Variants in ARVCF observed in about 807,000 individuals in gnomAD.
The protein encoded by ARVCF is splicing regulator ARVCF.
Under a neutral mutation model 90.9 loss-of-function variants are expected in ARVCF, and 66 were observed. That is an observed-to-expected ratio of 0.73 (90% CI 0.60 to 0.89). ARVCF has a LOEUF of 0.89. Ranked by LOEUF, ARVCF falls within the 40% of genes least tolerant of loss-of-function variation. The probability of loss-of-function intolerance (pLI) is 0.00; values close to 1 mark genes in which losing one functional copy is unlikely to be tolerated. For synonymous variants in ARVCF, 653 were observed against 603.4 expected (o/e 1.08, Z -1.21); for missense variants, 1,469 against 1,382.3 (o/e 1.06, Z -1.00).
chr22:19,972,974 T>A lies in ARVCF; in HGVS notation c.2501A>T (p.Glu834Val). ...ATCTTTCTGCAAGGTACCACGCAGC[T>A]CCTTGTAGCTCCACACTGTCTGCAG... ...HVLQTVWSYKELRGTLQKDGW... is the reference protein window; with the variant it reads ...HVLQTVWSYKVLRGTLQKDGW... The change falls in exon 15 of 20, where the codon GAG becomes GTG. Residue 834 changes from glutamate to valine, a missense_variant. Physicochemically the swap from Glu to Val is moderately radical, Grantham distance 121. Transcript: ENST00000263207. 8 of 1,613,692 alleles carry A rather than the reference T, an allele frequency of 5.0e-6. No individual in the cohort carries two copies. The highest frequency in any genetic ancestry group is 1.1e-5 in the South Asian group (1 of 91,084).
downstream of ARVCF, chr22:19,967,685 A>G (rs1942494202): frequency 3.7e-6 from 1 of 272,240 alleles, no homozygotes; most frequent in East Asian, 1.1e-4. Flanking sequence ...ATTATACTTT[A>G]GATGTTTGAG....
Position 19,990,888 on chromosome 22 carries a change from A to G in ARVCF, c.-18-76T>C, listed in dbSNP as rs950034625. 5.7e-6 allele frequency: 8 copies of G among 1,409,318 alleles called. No homozygotes were observed. In the African/African-American group the frequency reaches 1.1e-4, roughly 20 times the overall value. 87.3% of individuals were successfully genotyped at this position (1,409,318 alleles called of 1,614,324 possible). A position where few individuals can be genotyped will look rare whatever the true frequency, so the allele number is the denominator to read the frequency against. ...GCCATCATGGGCCCCTGCCCGCCCCACTCACAGACCATACAACTCACTCCC... is the reference window on the plus strand; with the variant it reads ...GCCATCATGGGCCCCTGCCCGCCCCGCTCACAGACCATACAACTCACTCCC... On this transcript the variant is annotated intron_variant, in intron 2 of 19. Transcript: ENST00000263207.
intron 2 of ARVCF, among the ~76,000 whole-genome samples, chr22:19,994,811 A>G (rs556864872): frequency 4.7e-5 from 7 of 148,506 alleles, no homozygotes; most frequent in African/African-American, 1.7e-4. Context: ...ATATAGATGA[A>G]TGGATGGATG....
In ARVCF at chr22:19,981,298, G is replaced by A. The variant is rs909282598; in HGVS notation, c.809C>T (p.Ala270Val). Residue 270 changes from alanine to valine, a missense_variant, in exon 5 of 20, where the codon GCT becomes GTT. Coordinates refer to ENST00000263207, the MANE Select transcript of ARVCF (RefSeq NM_001670.3). ...CAGCTCAGGGCCACCCTCGTCATCA[G>A]CGGCCAGGCTGCGCGTGTCATCCTC... ...GLEDDTRSLA[A>V]DDEGGPELEP... 30 of 1,591,854 alleles carry A rather than the reference G, an allele frequency of 1.9e-5. No individual in the cohort carries two copies. The highest frequency in any genetic ancestry group is 2.6e-5 in the Non-Finnish European group (30 of 1,170,826).
intron 1 of ARVCF, among the ~76,000 whole-genome samples, chr22:20,015,677 G>C (rs1945050484): frequency 6.6e-6 from 1 of 152,084 alleles, no homozygotes; most frequent in African/African-American, 2.4e-5. Context: ...ATACCATAGG[G>C]GAGGTTTCCC....
At chr22:19,966,222 G>A (rs1000373379), downstream of ARVCF, among the ~76,000 whole-genome samples, 1 of 152,120 alleles carries the variant, frequency 6.6e-6, no homozygotes, top group African/African-American at 2.4e-5. Context: ...GGGGCCCTGT[G>A]CCCCCTTGTG....
rs148191845 is a variant in ARVCF at position 19,977,494 on chromosome 22, G to T, written c.1791C>A (p.Pro597=). Residue 597 remains proline (P), a synonymous_variant, in exon 9 of 20, where the codon CCC becomes CCA. Transcript: ENST00000263207. ...PGADRYQEAE[P]GPLGSAVGSQ... ...AGCCTACAGCACTGCCCAGGGGCCC[G>T]GGCTCGGCCTCCTGGTACCTGTCGG... is the stretch of plus-strand genomic sequence containing the variant. 6.3e-7 allele frequency: 1 copy of T among 1,598,608 alleles called. No individual in the cohort carries two copies. The highest frequency in any genetic ancestry group is 8.5e-7 in the Non-Finnish European group (1 of 1,171,686).
chr22:20,004,247 T>G (rs59507861), intron 2 of ARVCF, among the ~76,000 whole-genome samples: 2 of 152,148 alleles, frequency 1.3e-5, no homozygotes, highest in Non-Finnish European at 2.9e-5. Context: ...AGATATCCCA[T>G]GTTCATGGCT....
downstream of ARVCF, among the ~76,000 whole-genome samples, chr22:19,965,871 C>T (rs968356009): frequency 2.6e-5 from 4 of 152,054 alleles, no homozygotes; most frequent in Non-Finnish European, 4.4e-5. Context: ...TGGAGGGGGG[C>T]TCACCCCTGA....
Position 19,977,422 on chromosome 22 carries a change from C to A in ARVCF, c.1863G>T (p.Lys621Asn). The A allele has an allele frequency of 2.0e-6, 3 of 1,526,864 alleles. No homozygotes were observed. Among genetic ancestry groups the A allele is most frequent in the South Asian group, 1.3e-5 (1 of 78,600 alleles). The allele number at this position is 1,526,864 out of a possible 1,614,324, so 94.6% of individuals were successfully genotyped here. ...CCAGTCCGCCCCACCCACCTTTGGC[C>A]TTCTTGCCTCCAAAGCAGCTGGCAT... ...RDDASCFGGK[K>N]AKEEWFHQGK... Residue 621 changes from lysine (K) to asparagine (N), a missense_variant, in exon 9 of 20, where the codon AAG (lysine) becomes AAT (asparagine). Coordinates refer to ENST00000263207, the MANE Select transcript of ARVCF (RefSeq NM_001670.3).
chr22:19,992,482 G>A (rs1682686817), intron 2 of ARVCF, among the ~76,000 whole-genome samples: 1 of 152,176 alleles, frequency 6.6e-6, no homozygotes. Flanking sequence ...CAACACAGGG[G>A]AGCCTTGTGC....
At chr22:20,005,947 A>G (rs560395693) in intron 2 of ARVCF, among the ~76,000 whole-genome samples, 184 of 152,368 alleles carry the variant, frequency 1.2e-3, no homozygotes, top group African/African-American at 4.3e-3. Flanking sequence ...GTATAGATAT[A>G]CAATGGAATA....
chr22:19,974,651 A>G (rs1274176932), intron 11 of ARVCF, among the ~76,000 whole-genome samples: 1 of 151,932 alleles, frequency 6.6e-6, no homozygotes, highest in Non-Finnish European at 1.5e-5. Flanking sequence ...GAGTTGTATA[A>G]CCAAGGCCAC....
In ARVCF at chr22:19,977,441, C is replaced by G. The variant is rs1362797238; in HGVS notation, c.1844G>C (p.Ser615Thr). The G allele has an allele frequency of 1.2e-5, 19 of 1,547,332 alleles. No individual in the cohort carries two copies. Among genetic ancestry groups the G allele is most frequent in the Non-Finnish European group, 1.7e-5 (19 of 1,145,992 alleles). Residue 615 changes from serine (S) to threonine (T), a missense_variant, in exon 9 of 20, where the codon AGC becomes ACC. Ser to Thr is a moderately conservative substitution (Grantham distance 58). Coordinates refer to ENST00000263207, the MANE Select transcript of ARVCF (RefSeq NM_001670.3). ...TTTGGCCTTCTTGCCTCCAAAGCAG[C>G]TGGCATCATCCCGCCTCCGGCGCTG... ...GSQRRRRDDA[S>T]CFGGKKAKEE...
Position 19,969,925 on chromosome 22 carries a change from C to G in ARVCF, c.*831G>C. ...TTTGCTGCTTTAATTTTTAAATTTT[C>G]TTACAAAAATTTAGGTGTTTACCAA... is the stretch of plus-strand genomic sequence containing the variant. On this transcript the variant is annotated 3_prime_UTR_variant, in exon 20 of 20. Transcript: ENST00000263207. 1.0e-6 allele frequency: 1 copy of G among 985,522 alleles called. No homozygotes were observed. The highest frequency in any genetic ancestry group is 1.7e-5 in the African/African-American group (1 of 57,374). The allele number at this position is 985,522 out of a possible 1,614,324, so 61.0% of individuals were successfully genotyped here. A position where few individuals can be genotyped will look rare whatever the true frequency, so the allele number is the denominator to read the frequency against.
In ARVCF at chr22:19,979,830, C is replaced by A. The variant is rs760458676; in HGVS notation, c.1309G>T (p.Ala437Ser). The A allele has an allele frequency of 1.2e-6, 2 of 1,609,666 alleles. No homozygotes were observed. The highest frequency in any genetic ancestry group is 1.3e-5 in the African/African-American group (1 of 74,912). Residue 437 changes from alanine to serine, a missense_variant, in exon 6 of 20, where the codon GCC becomes TCC. Physicochemically the swap from Ala to Ser is moderately conservative, Grantham distance 99. Transcript: ENST00000263207. Reference sequence around the variant, plus strand: ...ACACCACCGCAGTCCCGGATGGCGGCCTTGTTGTCAGTGTCGCGGCCATAG... The same window carrying A: ...ACACCACCGCAGTCCCGGATGGCGGACTTGTTGTCAGTGTCGCGGCCATAG... ...LSYGRDTDNK[A>S]AIRDCGGVPA...
chr22:20,005,794 T>TA (rs80188534), intron 2 of ARVCF, among the ~76,000 whole-genome samples: 8,102 of 115,514 alleles, frequency 0.07, 369 homozygotes, highest in East Asian at 0.19. Context: ...AGACTCCGTC[T>TA]AAAAAAAAAA....
At chr22:19,984,273 G>A (rs1335413019) in intron 3 of ARVCF, among the ~76,000 whole-genome samples, 2 of 152,174 alleles carry the variant, frequency 1.3e-5, no homozygotes, top group African/African-American at 2.4e-5. Context: ...TCAGGACCCC[G>A]ATGCCACTCT....
intron 1 of ARVCF, among the ~76,000 whole-genome samples, chr22:20,014,302 C>T (rs1944945216): frequency 1.3e-5 from 2 of 152,158 alleles, no homozygotes; most frequent in South Asian, 4.1e-4. Flanking sequence ...TCAAGCGATT[C>T]TCCTGCCTCA....
Sources: allele counts gnomAD v4.1 joint callset (sites outside exome capture counted in the v4.1 genomes callset), GRCh38; gene constraint gnomAD v4.1.1; transcripts MANE v1.5; gene names NCBI Gene and HGNC (gene_info 2026-07-23, HGNC 2026-07-21).